Variants in PIWIL1 observed in about 807,000 individuals in gnomAD.
The protein encoded by PIWIL1 is piwi like RNA-mediated gene silencing 1.
A neutral mutation model predicts 114.4 loss-of-function variants in PIWIL1; 73 were observed. The ratio of observed to expected loss-of-function variants is 0.64; its 90% CI spans 0.53 to 0.78. PIWIL1 has a LOEUF of 0.78. PIWIL1 is among the 30% of genes least tolerant of loss of function. The probability of loss-of-function intolerance (pLI) is 0.00; values close to 1 mark genes in which losing one functional copy is unlikely to be tolerated. For synonymous variants in PIWIL1, 375 were observed against 369.0 expected (o/e 1.02, Z -0.19); for missense variants, 723 against 1,063.1 (o/e 0.68, Z 4.45).
the PIWIL1 span, among the ~76,000 whole-genome samples, chr12:130,384,680 A>G: frequency 1.4e-3 from 207 of 152,300 alleles, 1 homozygote; most frequent in African/African-American, 4.7e-3. Flanking sequence ...CTTGGCCATG[A>G]AAGGACAGAT....
downstream of PIWIL1, among the ~76,000 whole-genome samples, chr12:130,373,079 G>T (rs569070521): frequency 3.3e-5 from 5 of 152,102 alleles, no homozygotes; most frequent in Non-Finnish European, 7.4e-5. Flanking sequence ...TTAGTTCTTA[G>T]AGCTAATAAT....
At chr12:130,341,711 C>T (rs1315917830) in intron 1 of PIWIL1, among the ~76,000 whole-genome samples, 1 of 152,158 alleles carries the variant, frequency 6.6e-6, no homozygotes, top group African/African-American at 2.4e-5. Flanking sequence ...GTTGTTTTCT[C>T]ATGTTGTCTA....
At chr12:130,392,621 T>C in the PIWIL1 span, among the ~76,000 whole-genome samples, 3,543 of 6,072 alleles carry the variant, frequency 0.58, 1,275 homozygotes, top group Middle Eastern at 0.88. Context: ...ATCACGTGTC[T>C]GTCAGTTACC....
the PIWIL1 span, among the ~76,000 whole-genome samples, chr12:130,384,583 C>T: frequency 6.6e-6 from 1 of 152,204 alleles, no homozygotes; most frequent in African/African-American, 2.4e-5. Context: ...AAGTCAGGAG[C>T]TTTATTGATT....
At chr12:130,383,209 C>G in the PIWIL1 span, among the ~76,000 whole-genome samples, 1 of 152,118 alleles carries the variant, frequency 6.6e-6, no homozygotes, top group Non-Finnish European at 1.5e-5. Context: ...TGCGTTCCAC[C>G]AGGAGGATAT....
At chr12:130,349,140 T>C in intron 7 of PIWIL1, 99 bp from the exon 8 acceptor site, 1 of 741,278 alleles carries the variant, frequency 1.3e-6, no homozygotes, top group South Asian at 1.9e-5. Context: ...AGAAACTTTA[T>C]AGTTTAGACC....
At chr12:130,417,611 C>T in the PIWIL1 span, among the ~76,000 whole-genome samples, 21 of 152,170 alleles carry the variant, frequency 1.4e-4, no homozygotes. Context: ...CCGAGAAACT[C>T]CTGACGGGGC....
chr12:130,338,980 A>G (rs1180365331), intron 1 of PIWIL1, among the ~76,000 whole-genome samples: 2 of 151,694 alleles, frequency 1.3e-5, no homozygotes, highest in Non-Finnish European at 2.9e-5. Flanking sequence ...CGTGCGTGAG[A>G]CTGCGGGGAC....
the PIWIL1 span, chr12:130,407,640 A>G: frequency 9.7e-7 from 1 of 1,033,660 alleles, no homozygotes. Flanking sequence ...TGAGGAGGTG[A>G]ACACACGTGG....
intron 9 of PIWIL1, chr12:130,351,511 C>G (rs1240113642): frequency 6.6e-6 from 1 of 152,192 alleles, no homozygotes; most frequent in African/African-American, 2.4e-5. Context: ...TCCCATGTTG[C>G]CAGTGTTGAA....
chr12:130,400,068 G>A, the PIWIL1 span, among the ~76,000 whole-genome samples: 1 of 152,164 alleles, frequency 6.6e-6, no homozygotes, highest in African/African-American at 2.4e-5. Context: ...TTTGGCCAAA[G>A]AGCCCCTGGG....
chr12:130,340,583 G>T (rs1297325219), intron 1 of PIWIL1, among the ~76,000 whole-genome samples: 1 of 139,564 alleles, frequency 7.2e-6, no homozygotes, highest in Admixed American at 7.5e-5. Flanking sequence ...CTGCTGTGTG[G>T]CCTGGTTCCG....
At chr12:130,406,671 G>A in the PIWIL1 span, among the ~76,000 whole-genome samples, 1 of 152,188 alleles carries the variant, frequency 6.6e-6, no homozygotes, top group African/African-American at 2.4e-5. Flanking sequence ...TATTGAGACA[G>A]AATCTCACTG....
chr12:130,369,064 C>T (rs1000217802), intron 19 of PIWIL1, among the ~76,000 whole-genome samples: 6 of 152,160 alleles, frequency 3.9e-5, no homozygotes, highest in African/African-American at 1.4e-4. Context: ...TACCCCCCAA[C>T]AGGCCCCAGT....
At chr12:130,422,483 T>C in the PIWIL1 span, 1 of 1,612,998 alleles carries the variant, frequency 6.2e-7, no homozygotes. This position sits in a 1 kb window ranked among gnomAD's most constrained non-coding sequence, Gnocchi z 5.2. Flanking sequence ...GGCCGGGACC[T>C]CTGAGGACCA....
the PIWIL1 span, chr12:130,414,457 G>T: frequency 1.2e-5 from 8 of 688,390 alleles, no homozygotes; most frequent in East Asian, 1.9e-4. Context: ...AAATAGATCG[G>T]GAGGTCTAGG....
At chr12:130,367,112 A>G (rs1207321191) in intron 18 of PIWIL1, 21 bp from the exon 19 acceptor site, 38 of 1,612,954 alleles carry the variant, frequency 2.4e-5, no homozygotes, top group Non-Finnish European at 3.2e-5. Flanking sequence ...AAATGCAGTT[A>G]CATTCATCAT....
At chr12:130,422,978 C>T in the PIWIL1 span, among the ~76,000 whole-genome samples, 1 of 152,196 alleles carries the variant, frequency 6.6e-6, no homozygotes, top group Non-Finnish European at 1.5e-5. This position sits in a 1 kb window ranked among gnomAD's most constrained non-coding sequence, Gnocchi z 5.2. Context: ...GCAGTTCCTC[C>T]TGTCCTGCTT....
the PIWIL1 span, among the ~76,000 whole-genome samples, chr12:130,415,781 A>T: frequency 6.6e-6 from 1 of 152,232 alleles, no homozygotes; most frequent in African/African-American, 2.4e-5. Context: ...TTCACTGATG[A>T]TATGATTCTA....
Sources: gnomAD v4.1 joint callset for allele counts (sites outside exome capture counted in the v4.1 genomes callset) on GRCh38, gnomAD v4.1.1 for gene constraint, Gnocchi (gnomAD v3.1) non-coding constraint, MANE v1.5 for transcripts, NCBI Gene and HGNC (gene_info 2026-07-23, HGNC 2026-07-21) for gene names.